The following ZNF469 variants were observed in gnomAD, a reference collection of about 807,000 sequenced individuals.
ZNF469 encodes zinc finger protein 469.
Under a neutral mutation model 1.0 loss-of-function variants are expected in ZNF469, and 1 was observed. The ratio of observed to expected loss-of-function variants is 1.00; its 90% confidence interval spans 0.35 to 4.73. The LOEUF is 4.73. ZNF469 is among the 30% of genes most tolerant of loss of function. The probability of loss-of-function intolerance (pLI) is 0.16; values close to 1 mark genes in which losing one functional copy is unlikely to be tolerated. For missense variants in ZNF469, 6,100 were observed against 5,356.3 expected (o/e 1.14, Z -4.33); for synonymous variants, 2,703 against 2,363.4 (o/e 1.14, Z -4.17).
At chr16:88,342,628 G>A in the ZNF469 span, among the ~76,000 whole-genome samples, 95 of 152,298 alleles carry the variant, frequency 6.2e-4, no homozygotes, top group South Asian at 4.1e-3. Context: ...ATGCAGAGGC[G>A]GCTCTGAGCA....
chr16:88,323,093 G>A, the ZNF469 span, among the ~76,000 whole-genome samples: 2 of 152,218 alleles, frequency 1.3e-5, no homozygotes, highest in Non-Finnish European at 2.9e-5. Context: ...CGTCTGTAAA[G>A]TGGGGGCAGT....
chr16:88,105,229 G>A, the ZNF469 span, among the ~76,000 whole-genome samples: 2 of 151,888 alleles, frequency 1.3e-5, no homozygotes, highest in Non-Finnish European at 2.9e-5. Context: ...TCACAAAAAA[G>A]GAAAGAGGAG....
chr16:88,364,523 G>A, the ZNF469 span, among the ~76,000 whole-genome samples: 9 of 149,828 alleles, frequency 6.0e-5, no homozygotes, highest in African/African-American at 2.2e-4. Flanking sequence ...AAAGCTGCTG[G>A]GATTTAGACT....
the ZNF469 span, among the ~76,000 whole-genome samples, chr16:88,185,801 GCA>G: frequency 2.1e-5 from 3 of 141,902 alleles, no homozygotes; most frequent in Non-Finnish European, 4.5e-5. Context: ...TATAGTACTC[GCA>G]CACACACGCA....
chr16:88,211,419 G>A, the ZNF469 span, among the ~76,000 whole-genome samples: 43 of 152,382 alleles, frequency 2.8e-4, no homozygotes, highest in African/African-American at 9.9e-4. Flanking sequence ...CAGGGTGGGT[G>A]GTTGTCAGGA....
chr16:88,332,964 C>T, the ZNF469 span, among the ~76,000 whole-genome samples: 1 of 152,196 alleles, frequency 6.6e-6, no homozygotes, highest in African/African-American at 2.4e-5. Flanking sequence ...AGCTGTGTCC[C>T]CAGGAGCCAC....
the ZNF469 span, among the ~76,000 whole-genome samples, chr16:88,187,542 C>T: frequency 6.6e-6 from 1 of 152,162 alleles, no homozygotes. Context: ...AGCCGGGACC[C>T]CAACAACTGC....
the ZNF469 span, among the ~76,000 whole-genome samples, chr16:88,255,166 A>C: frequency 6.6e-6 from 1 of 152,246 alleles, no homozygotes; most frequent in Non-Finnish European, 1.5e-5. Context: ...AGACATTCAC[A>C]GTTGGGCTGT....
the ZNF469 span, among the ~76,000 whole-genome samples, chr16:88,155,122 G>GTA: frequency 5.3e-5 from 8 of 152,336 alleles, no homozygotes; most frequent in African/African-American, 1.7e-4. Context: ...ACAGGGCTAG[G>GTA]CTGGCACAGG....
At chr16:88,147,251 T>C in the ZNF469 span, among the ~76,000 whole-genome samples, 1 of 151,900 alleles carries the variant, frequency 6.6e-6, no homozygotes, top group Non-Finnish European at 1.5e-5. Flanking sequence ...GCTGGAAAGG[T>C]GGGGAAGATT....
At chr16:88,383,574 G>C (rs1348197085) in intron 1 of ZNF469, among the ~76,000 whole-genome samples, 1 of 150,384 alleles carries the variant, frequency 6.6e-6, no homozygotes, top group African/African-American at 2.4e-5. Context: ...CCCGGGCAAC[G>C]TACTGGCGAG....
chr16:88,199,250 T>G, the ZNF469 span, among the ~76,000 whole-genome samples: 2 of 152,242 alleles, frequency 1.3e-5, no homozygotes, highest in Non-Finnish European at 2.9e-5. Context: ...AGGTCTGCCC[T>G]GGCACCCGAC....
the ZNF469 span, among the ~76,000 whole-genome samples, chr16:88,247,785 GTGAGTAAA>G: frequency 1.3e-5 from 2 of 151,964 alleles, no homozygotes; most frequent in South Asian, 4.2e-4. Context: ...GAATGAGGGA[GTGAGTAAA>G]TGAGTGAATG....
the ZNF469 span, among the ~76,000 whole-genome samples, chr16:88,234,524 G>T: frequency 3.4e-3 from 525 of 152,324 alleles, 13 homozygotes; most frequent in Admixed American, 0.03. Flanking sequence ...GCAGACCGGG[G>T]CTGGCTCCAG....
chr16:88,307,882 T>C, the ZNF469 span, among the ~76,000 whole-genome samples: 2 of 152,230 alleles, frequency 1.3e-5, no homozygotes, highest in Non-Finnish European at 2.9e-5. Flanking sequence ...ATTTGTGCTT[T>C]TGGTGTCATA....
At chr16:88,131,371 T>C in the ZNF469 span, among the ~76,000 whole-genome samples, 3 of 142,088 alleles carry the variant, frequency 2.1e-5, no homozygotes, top group African/African-American at 3.1e-5. Context: ...GCCGGCCTGT[T>C]TGTTAGAACC....
the ZNF469 span, among the ~76,000 whole-genome samples, chr16:88,219,684 A>C: frequency 7.2e-5 from 11 of 152,094 alleles, no homozygotes; most frequent in Non-Finnish European, 1.6e-4. Context: ...AAACCTAGGC[A>C]TTACCATTCA....
chr16:88,167,686 G>A, the ZNF469 span, among the ~76,000 whole-genome samples: 57 of 152,274 alleles, frequency 3.7e-4, no homozygotes, highest in African/African-American at 1.4e-3. Flanking sequence ...GAGCCACTCC[G>A]CTGCGTTTCC....
chr16:88,253,819 G>A, the ZNF469 span, among the ~76,000 whole-genome samples: 3 of 152,134 alleles, frequency 2.0e-5, no homozygotes, highest in Non-Finnish European at 4.4e-5. Context: ...GATTACAGGC[G>A]TGCACCACCG....
Sources: allele counts gnomAD v4.1 joint callset (sites outside exome capture counted in the v4.1 genomes callset), GRCh38; gene constraint gnomAD v4.1.1; transcripts MANE v1.5; gene names NCBI Gene and HGNC (gene_info 2026-07-23, HGNC 2026-07-21).